ARHGEF28: variants seen among roughly 807,000 people sequenced by gnomAD.
ARHGEF28 encodes 190 kDa guanine nucleotide exchange factor.
In ARHGEF28, 152 loss-of-function variants were observed where a neutral mutation model predicts 206.6. The ratio of observed to expected loss-of-function variants is 0.74; its 90% confidence interval spans 0.64 to 0.84. The LOEUF (loss-of-function observed/expected upper bound fraction) is 0.84. ARHGEF28 is among the 40% of genes least tolerant of loss of function. The probability of loss-of-function intolerance (pLI) is 0.00; values close to 1 mark genes in which losing one functional copy is unlikely to be tolerated. For synonymous variants in ARHGEF28, 763 were observed against 776.4 expected, an observed-to-expected ratio of 0.98 and a Z score of 0.29; for missense variants, 2,028 against 2,073.2, an observed-to-expected ratio of 0.98 and a Z score of 0.42.
At chr5:73,885,061 T>C (rs1471107071) in intron 24 of ARHGEF28, among the ~76,000 whole-genome samples, 1 of 152,174 alleles carries the variant, frequency 6.6e-6, no homozygotes, top group Non-Finnish European at 1.5e-5. Context: ...ATAATAGTAA[T>C]ATATTCATAT....
chr5:73,795,586 C>T (rs1256620998), intron 9 of ARHGEF28, 195 bp downstream of exon 9: 2 of 497,894 alleles, frequency 4.0e-6, no homozygotes, highest in Non-Finnish European at 7.0e-6. Flanking sequence ...ACTCCATTTA[C>T]AATCTAAAAA....
At chr5:73,827,780 T>C in intron 9 of ARHGEF28, among the ~76,000 whole-genome samples, 1 of 152,244 alleles carries the variant, frequency 6.6e-6, no homozygotes, top group East Asian at 1.9e-4. Flanking sequence ...TCAACAAAAC[T>C]ATAATGTTAA....
chr5:73,666,829 G>T (rs2112203790), intron 1 of ARHGEF28, among the ~76,000 whole-genome samples: 1 of 152,292 alleles, frequency 6.6e-6, no homozygotes, highest in Middle Eastern at 3.4e-3. Flanking sequence ...TAAGCTACAG[G>T]AGAAGTTATG....
chr5:73,889,415 C>A (rs566820558), intron 26 of ARHGEF28, among the ~76,000 whole-genome samples: 115 of 152,248 alleles, frequency 7.6e-4, no homozygotes, highest in Non-Finnish European at 1.3e-3. Flanking sequence ...GGGGCAGAGC[C>A]CAAACCTACA....
chr5:73,854,758 G>A (rs1758910299), intron 14 of ARHGEF28, among the ~76,000 whole-genome samples: 1 of 151,856 alleles, frequency 6.6e-6, no homozygotes, highest in Admixed American at 6.6e-5. Flanking sequence ...CTTGAACCTG[G>A]AACGCGGAGG....
chr5:73,901,044 C>T (rs1017599000), intron 30 of ARHGEF28, 140 bp from the exon 31 acceptor site: 1 of 648,752 alleles, frequency 1.5e-6, no homozygotes, highest in Non-Finnish European at 2.7e-6. Flanking sequence ...CCAAGCACCT[C>T]ATCTAAGAAT....
intron 1 of ARHGEF28, among the ~76,000 whole-genome samples, chr5:73,656,437 C>G (rs1745205662): frequency 6.6e-6 from 1 of 152,172 alleles, no homozygotes; most frequent in Non-Finnish European, 1.5e-5. Context: ...TCTCAGACGT[C>G]AAACTTGGGA....
chr5:73,914,607 G>T lies in ARHGEF28; in HGVS notation c.4948+3032G>T, dbSNP rs191292721. 1.3e-4 allele frequency among the ~76,000 whole-genome samples: 20 copies of T among 152,086 alleles called. 1 individual carries two copies. In the East Asian group the frequency reaches 3.5e-3, roughly 26 times the overall value. ...AGACGGAGTTTCGCCAAGTTGTCCA[G>T]GCTGGTCTCGAACTCCTGACCTCAA... On this transcript the variant is annotated intron_variant, in intron 35 of 35. Coordinates refer to ENST00000513042, the MANE Select transcript of ARHGEF28 (RefSeq NM_001177693.2).
intron 4 of ARHGEF28, among the ~76,000 whole-genome samples, chr5:73,763,692 G>C (rs1735596340): frequency 6.6e-6 from 1 of 152,126 alleles, no homozygotes; most frequent in African/African-American, 2.4e-5. Flanking sequence ...AATATCTGTT[G>C]AGTGAAATGA....
At chr5:73,852,145 G>A (rs1195256865) in intron 13 of ARHGEF28, among the ~76,000 whole-genome samples, 1 of 152,164 alleles carries the variant, frequency 6.6e-6, no homozygotes, top group Admixed American at 6.5e-5. Flanking sequence ...CCTTTCCCAT[G>A]AGCCACAGAG....
At chr5:73,633,186 C>T (rs1743475206) in intron 1 of ARHGEF28, among the ~76,000 whole-genome samples, 1 of 152,134 alleles carries the variant, frequency 6.6e-6, no homozygotes, top group Non-Finnish European at 1.5e-5. Flanking sequence ...CGATGGGGAG[C>T]AGCTGTAAAT....
Position 73,636,439 on chromosome 5 carries a change from T to C in ARHGEF28, c.-12+10117T>C, listed in dbSNP as rs1172888016. On this transcript the variant is annotated intron_variant, in intron 1 of 35. Coordinates refer to ENST00000513042, the MANE Select transcript of ARHGEF28 (RefSeq NM_001177693.2). ...ATTAAAAATAAAGAGTAAGTTTTTT[T>C]CCCCTCTCACATTTATGGTAGGAAG... Among the ~76,000 whole-genome samples the C allele has an allele frequency of 3.9e-4, 60 of 152,224 alleles. 1 individual carries two copies. Among genetic ancestry groups the C allele is most frequent in the Non-Finnish European group, 1.5e-5 (1 of 68,042 alleles).
intron 25 of ARHGEF28, 110 bp from the exon 26 acceptor site, chr5:73,887,493 A>C: frequency 1.2e-6 from 1 of 818,654 alleles, no homozygotes; most frequent in Non-Finnish European, 1.9e-6. Flanking sequence ...TAATACAGGT[A>C]TTTTTATAAA....
chr5:73,677,772 C>T (rs1423723592), intron 1 of ARHGEF28, among the ~76,000 whole-genome samples: 1 of 152,216 alleles, frequency 6.6e-6, no homozygotes, highest in African/African-American at 2.4e-5. Context: ...CCCAAGTCAT[C>T]CCCTGGTGTC....
chr5:73,897,787 CG>C (rs1762041386), intron 29 of ARHGEF28, among the ~76,000 whole-genome samples, 174 bp from the exon 30 acceptor site: 1 of 152,038 alleles, frequency 6.6e-6, no homozygotes, highest in Non-Finnish European at 1.5e-5. Flanking sequence ...GGTGTGCGCG[CG>C]TGCGTAGGCA....
chr5:73,750,422 GCCTCT>G (rs1421996990), intron 3 of ARHGEF28, among the ~76,000 whole-genome samples: 1 of 151,942 alleles, frequency 6.6e-6, no homozygotes, highest in African/African-American at 2.4e-5. Flanking sequence ...CCATGGGTCT[GCCTCT>G]CCTCTGCTTG....
intron 35 of ARHGEF28, among the ~76,000 whole-genome samples, chr5:73,923,408 C>T (rs896377187): frequency 2.6e-5 from 4 of 152,084 alleles, no homozygotes; most frequent in Admixed American, 1.3e-4. Context: ...CGGCTGGAAG[C>T]GAACAAAGTA....
At chr5:73,693,193 C>A (rs1747954395) in intron 2 of ARHGEF28, among the ~76,000 whole-genome samples, 1 of 152,128 alleles carries the variant, frequency 6.6e-6, no homozygotes, top group Admixed American at 6.5e-5. Flanking sequence ...GGTTTTCCGA[C>A]CTTCACTGGT....
rs934169005 is a variant in ARHGEF28 at position 73,709,815 on chromosome 5, G to A, written c.33+24931G>A. Among the ~76,000 whole-genome samples, 6 of 152,088 alleles carry A rather than the reference G, an allele frequency of 3.9e-5. No individual in the cohort carries two copies. In the East Asian group the frequency reaches 7.7e-4, roughly 20 times the overall value. On this transcript the variant is annotated intron_variant, in intron 2 of 35. Transcript: ENST00000513042. ...AGTTGGTCATGACCCGCATTCTTTC[G>A]GCCTCCAACAATGCATAGCCTTTTG...
Sources: allele counts gnomAD v4.1 joint callset (sites outside exome capture counted in the v4.1 genomes callset), GRCh38; gene constraint gnomAD v4.1.1; transcripts MANE v1.5; gene names NCBI Gene and HGNC (gene_info 2026-07-23, HGNC 2026-07-21).